ABCD3: variants seen among roughly 807,000 people sequenced by gnomAD.
ABCD3 encodes ATP-binding cassette sub-family D member 3.
ABCD3 carries 41 observed loss-of-function variants against 105.5 expected under a neutral mutation model. That is an observed-to-expected ratio of 0.39 (90% confidence interval 0.30 to 0.50). The LOEUF (loss-of-function observed/expected upper bound fraction) is 0.50, where lower values mean the gene tolerates loss of function less well. ABCD3 is among the 20% of genes least tolerant of loss of function. ABCD3 has a pLI of 0.84. For missense variants in ABCD3, 622 were observed against 806.3 expected (o/e 0.77, Z 2.77); for synonymous variants, 258 against 269.0 (o/e 0.96, Z 0.40).
At chr1:94,514,789 A>T (rs1570847342) in intron 21 of ABCD3, 2 of 197,824 alleles carry the variant, frequency 1.0e-5, no homozygotes, top group East Asian at 2.4e-4. Context: ...GTTGACTGTC[A>T]ACAATGCTAT....
chr1:94,506,726 C>A, intron 21 of ABCD3, 84 bp downstream of exon 21: 1 of 996,126 alleles, frequency 1.0e-6, no homozygotes, highest in Non-Finnish European at 1.6e-6. Context: ...AGAGAAGATT[C>A]CAGGTCACTA....
intron 1 of ABCD3, among the ~76,000 whole-genome samples, chr1:94,452,723 T>G (rs925122560): frequency 1.5e-4 from 22 of 147,314 alleles, no homozygotes; most frequent in South Asian, 4.2e-4. Context: ...GTTTTTTTTG[T>G]TTTTTTTTGT....
At chr1:94,478,648 C>A in intron 8 of ABCD3, 2 of 984,828 alleles carry the variant, frequency 2.0e-6, no homozygotes, top group South Asian at 1.9e-5. Flanking sequence ...TCCAGGAGTT[C>A]GAGACAAGCC....
chr1:94,500,951 A>G (rs112053236), intron 20 of ABCD3, among the ~76,000 whole-genome samples: 6 of 152,180 alleles, frequency 3.9e-5, no homozygotes, highest in African/African-American at 1.4e-4. Flanking sequence ...AACTGCAAAA[A>G]AGAGCTGCAA....
At chr1:94,402,919 C>T in the ABCD3 span, among the ~76,000 whole-genome samples, 2 of 151,310 alleles carry the variant, frequency 1.3e-5, no homozygotes, top group Non-Finnish European at 2.9e-5. Context: ...CATCATCTAG[C>T]ATTAGGTATA....
chr1:94,390,775 G>C, the ABCD3 span, among the ~76,000 whole-genome samples: 28 of 152,196 alleles, frequency 1.8e-4, no homozygotes, highest in Non-Finnish European at 1.5e-5. Context: ...CTGCCAGTTA[G>C]TAACTATCCA....
the ABCD3 span, among the ~76,000 whole-genome samples, chr1:94,389,328 G>T: frequency 3.9e-5 from 6 of 152,308 alleles, no homozygotes; most frequent in East Asian, 1.2e-3. Context: ...GCAGTGCTGT[G>T]ACATGTTCAT....
At chr1:94,487,450 A>C in intron 10 of ABCD3, 92 bp from the exon 11 acceptor site, 1 of 1,126,142 alleles carries the variant, frequency 8.9e-7, no homozygotes, top group South Asian at 1.3e-5. Flanking sequence ...TATTTGTTGA[A>C]TAAATGAACT....
Position 94,478,415 on chromosome 1 carries a change from C to T in ABCD3, c.684+100C>T, listed in dbSNP as rs1337344558. On this transcript the variant is annotated intron_variant, in intron 8 of 22. Coordinates refer to ENST00000370214, the MANE Select transcript of ABCD3 (RefSeq NM_002858.4). ...GGCCTGTAAGAATTTTTGTAGATCT[C>T]AAAGAATGTATTTTCACATGATTTA... is the stretch of plus-strand genomic sequence containing the variant. 30 of 1,161,726 alleles carry T rather than the reference C, an allele frequency of 2.6e-5. No homozygotes were observed. In the Admixed American group the frequency reaches 5.5e-4, roughly 21 times the overall value. 72.0% of individuals were successfully genotyped at this position (1,161,726 alleles called of 1,614,324 possible).
intron 1 of ABCD3, chr1:94,419,206 T>C (rs916851360): frequency 1.2e-6 from 1 of 865,618 alleles, no homozygotes; most frequent in African/African-American, 1.8e-5. Context: ...AACCCTTTGG[T>C]CGGTGAACAT....
chr1:94,419,551 A>G (rs1374523674), intron 1 of ABCD3, among the ~76,000 whole-genome samples: 1 of 152,170 alleles, frequency 6.6e-6, no homozygotes, highest in Non-Finnish European at 1.5e-5. Context: ...GTCATTGAAT[A>G]TTTCGTATTA....
At chr1:94,437,682 A>G (rs964579382) in intron 1 of ABCD3, among the ~76,000 whole-genome samples, 2 of 152,224 alleles carry the variant, frequency 1.3e-5, no homozygotes, top group South Asian at 2.1e-4. Context: ...TTCAAAGCCT[A>G]TTATTTAACA....
intron 1 of ABCD3, among the ~76,000 whole-genome samples, chr1:94,446,408 A>G (rs1387207095): frequency 6.6e-6 from 1 of 152,244 alleles, no homozygotes; most frequent in Non-Finnish European, 1.5e-5. Flanking sequence ...GGTCTAATTT[A>G]AATTTAAAAG....
chr1:94,511,624 T>A (rs1371861056), intron 21 of ABCD3, among the ~76,000 whole-genome samples: 1 of 152,142 alleles, frequency 6.6e-6, no homozygotes, highest in Non-Finnish European at 1.5e-5. Context: ...CACTTTCAGG[T>A]ACACCAATCA....
chr1:94,389,669 T>C, the ABCD3 span, among the ~76,000 whole-genome samples: 1 of 152,210 alleles, frequency 6.6e-6, no homozygotes, highest in Non-Finnish European at 1.5e-5. Context: ...TTCCCTGATT[T>C]CCCACTCCAC....
In ABCD3 at chr1:94,418,428, G is replaced by GC. The variant is rs1415284985; in HGVS notation, c.-49dup. ...CGCTGCGTGCAGTAAGGTAGCCGCC[G>GC]CCGCCGCCGCCGCCGCGTCCCCTCG... On this transcript the variant is annotated 5_prime_UTR_variant, in exon 1 of 23. Coordinates refer to ENST00000370214, the MANE Select transcript of ABCD3 (RefSeq NM_002858.4). The GC allele has an allele frequency of 3.3e-6, 5 of 1,510,406 alleles. No individual in the cohort carries two copies. Among genetic ancestry groups the GC allele is most frequent in the Non-Finnish European group, 3.6e-6 (4 of 1,118,444 alleles). 93.6% of individuals were successfully genotyped at this position (1,510,406 alleles called of 1,614,324 possible). A position where few individuals can be genotyped will look rare whatever the true frequency, so the allele number is the denominator to read the frequency against.
chr1:94,459,400 G>A (rs542094697), intron 2 of ABCD3, among the ~76,000 whole-genome samples: 1 of 152,240 alleles, frequency 6.6e-6, no homozygotes, highest in East Asian at 1.9e-4. Flanking sequence ...AGAATGGAAT[G>A]TAGTTGTCCA....
Position 94,506,985 on chromosome 1 carries a change from A to T in ABCD3, c.1845+343A>T, listed in dbSNP as rs114521378. 9.7e-3 allele frequency among the ~76,000 whole-genome samples: 1,476 copies of T among 151,666 alleles called. 20 individuals are homozygous for T. Among genetic ancestry groups the T allele is most frequent in the African/African-American group, 0.029 (1,212 of 41,470 alleles). On this transcript the variant is annotated intron_variant, in intron 21 of 22. Coordinates refer to ENST00000370214, the MANE Select transcript of ABCD3 (RefSeq NM_002858.4). ...TTTATGTTAAAAGATTTATTTATTTATTTTTTAATTTATTATTATTATACT... is the reference window on the plus strand; with the variant it reads ...TTTATGTTAAAAGATTTATTTATTTTTTTTTTAATTTATTATTATTATACT...
In ABCD3 at chr1:94,450,150, G is replaced by T. The variant is rs186199462; in HGVS notation, c.111-8457G>T. 1.6e-3 allele frequency among the ~76,000 whole-genome samples: 243 copies of T among 152,320 alleles called. 2 individuals carry two copies. The highest frequency in any genetic ancestry group is 4.6e-3 in the South Asian group (22 of 4,832). ...CATTAAAATGGATTAAAAACACTTGGACGATCTGTGATTTCACTGATGATT... is the reference window on the plus strand; with the variant it reads ...CATTAAAATGGATTAAAAACACTTGTACGATCTGTGATTTCACTGATGATT... On this transcript the variant is annotated intron_variant, in intron 1 of 22. Transcript: ENST00000370214.
Sources: allele counts gnomAD v4.1 joint callset (sites outside exome capture counted in the v4.1 genomes callset), GRCh38; gene constraint gnomAD v4.1.1; transcripts MANE v1.5; gene names NCBI Gene and HGNC (gene_info 2026-07-23, HGNC 2026-07-21).